The following ESRRB variants were observed in gnomAD, a reference collection of about 807,000 sequenced individuals.
ESRRB encodes the protein steroid hormone receptor ERR2.
A neutral mutation model predicts 46.0 loss-of-function variants in ESRRB; 16 were observed. The ratio of observed to expected loss-of-function variants is 0.35; its 90% CI spans 0.24 to 0.53. The LOEUF is 0.53. ESRRB is among the 20% of genes least tolerant of loss of function. The pLI is 0.93. For synonymous variants in ESRRB, 246 were observed against 259.6 expected (o/e 0.95, Z 0.50); for missense variants, 488 against 607.4 (o/e 0.80, Z 2.07).
chr14:76,314,316 A>C (rs1883771896), intron 1 of ESRRB, among the ~76,000 whole-genome samples: 1 of 151,996 alleles, frequency 6.6e-6, no homozygotes. Context: ...GTCCCTTCCA[A>C]TCCCCCTACA....
chr14:76,332,300 T>C lies in ESRRB; in HGVS notation c.2+21384T>C, dbSNP rs1884022810. Among the ~76,000 whole-genome samples the C allele has an allele frequency of 3.3e-5, 5 of 149,268 alleles. No homozygotes were observed. The South Asian group carries it at 1.0e-3, about 31-fold the overall frequency. On this transcript the variant is annotated intron_variant, in intron 1 of 6. Coordinates refer to the ESRRB transcript ENST00000512784. ...GCCACGTGTGTAATTTTAAACTTTCTAGTAGCCACACTTTTAAAATTTTTG... is the reference window on the plus strand; with the variant it reads ...GCCACGTGTGTAATTTTAAACTTTCCAGTAGCCACACTTTTAAAATTTTTG...
At chr14:76,386,461 T>A (rs1435422397) in intron 1 of ESRRB, among the ~76,000 whole-genome samples, 2 of 147,346 alleles carry the variant, frequency 1.4e-5, no homozygotes, top group East Asian at 3.9e-4. Context: ...TTAATTTTTT[T>A]TTTTTTTTTT....
chr14:76,324,963 C>CTTTTTCTTTT (rs1320537747), intron 1 of ESRRB, among the ~76,000 whole-genome samples: 7 of 102,214 alleles, frequency 6.8e-5, no homozygotes, highest in Non-Finnish European at 1.2e-4. Flanking sequence ...TTTTCTTTTT[C>CTTTTTCTTTT]TTTTTTTTTT....
At chr14:76,386,994 C>T (rs1885258625) in intron 1 of ESRRB, among the ~76,000 whole-genome samples, 1 of 152,116 alleles carries the variant, frequency 6.6e-6, no homozygotes, top group Admixed American at 6.5e-5. Context: ...CCTGAGACCC[C>T]AGAAACTGGA....
At position 76,451,824 on chromosome 14, in the gene ESRRB, G is replaced by A. The variant is rs1888394459; in HGVS notation, c.461-10721G>A. Among the ~76,000 whole-genome samples, 3 of 146,354 alleles carry A rather than the reference G, an allele frequency of 2.0e-5. No homozygotes were observed. In the South Asian group the frequency reaches 6.5e-4, roughly 32 times the overall value. ...TTTTTTTTTTTTTTAGTAAAGACAG[G>A]GTTTCACTGTGTTGGCCAGGCTGAT... On this transcript the variant is annotated intron_variant, in intron 2 of 6. Coordinates refer to ENST00000644823, the MANE Select transcript of ESRRB (RefSeq NM_001379180.1).
At chr14:76,325,061 T>G (rs1883913565) in intron 1 of ESRRB, among the ~76,000 whole-genome samples, 1 of 148,578 alleles carries the variant, frequency 6.7e-6, no homozygotes, top group African/African-American at 2.5e-5. Context: ...GCCTCCCAGG[T>G]TCAAGGGATT....
chr14:76,363,493 T>G (rs1271786545), intron 1 of ESRRB, among the ~76,000 whole-genome samples: 1 of 152,224 alleles, frequency 6.6e-6, no homozygotes, highest in Non-Finnish European at 1.5e-5. Context: ...ATGGACCCTT[T>G]GGCATCATTC....
intron 3 of ESRRB, among the ~76,000 whole-genome samples, chr14:76,479,820 G>A (rs1399566521): frequency 6.6e-6 from 1 of 152,180 alleles, no homozygotes; most frequent in Non-Finnish European, 1.5e-5. Context: ...ATTGAGGGGT[G>A]GGACACAGAC....
At chr14:76,387,373 C>T (rs1314607255) in intron 1 of ESRRB, among the ~76,000 whole-genome samples, 4 of 152,226 alleles carry the variant, frequency 2.6e-5, no homozygotes, top group African/African-American at 9.6e-5. Context: ...ACTGGCACTG[C>T]ACCCCATGGG....
At chr14:76,347,393 G>A (rs1884263701) in intron 1 of ESRRB, among the ~76,000 whole-genome samples, 1 of 151,416 alleles carries the variant, frequency 6.6e-6, no homozygotes, top group Non-Finnish European at 1.5e-5. Flanking sequence ...CCAATAAAAT[G>A]GGGACAGTAT....
At chr14:76,349,686 A>G (rs1190389867) in intron 1 of ESRRB, among the ~76,000 whole-genome samples, 1 of 152,192 alleles carries the variant, frequency 6.6e-6, no homozygotes, top group Non-Finnish European at 1.5e-5. Context: ...ATCCTCGTCC[A>G]CTAGAACGTA....
intron 5 of ESRRB, among the ~76,000 whole-genome samples, chr14:76,485,304 G>A (rs542988293): frequency 1.3e-4 from 19 of 146,196 alleles, no homozygotes; most frequent in African/African-American, 3.8e-4. Context: ...GCAGTGGTGC[G>A]ATCTCGGCTC....
chr14:76,469,483 C>A (rs888711966), intron 3 of ESRRB, among the ~76,000 whole-genome samples: 4 of 152,140 alleles, frequency 2.6e-5, no homozygotes, highest in Non-Finnish European at 4.4e-5. Context: ...CATTAGCACA[C>A]AAGTACACTT....
chr14:76,379,932 G>T (rs1884941564), intron 1 of ESRRB, among the ~76,000 whole-genome samples: 2 of 151,528 alleles, frequency 1.3e-5, no homozygotes, highest in Non-Finnish European at 1.5e-5. Context: ...TATTGATTTG[G>T]AGTAATCAAT....
chr14:76,324,399 G>A (rs933056685), intron 1 of ESRRB, among the ~76,000 whole-genome samples: 2 of 152,170 alleles, frequency 1.3e-5, no homozygotes, highest in Admixed American at 6.5e-5. Flanking sequence ...GCTGTTAGCA[G>A]CTGGGGATGG....
chr14:76,450,113 CAAT>C (rs1888325957), intron 2 of ESRRB, among the ~76,000 whole-genome samples: 1 of 151,102 alleles, frequency 6.6e-6, no homozygotes, highest in South Asian at 2.1e-4. Flanking sequence ...GGAGAAAAAA[CAAT>C]GATGAGACCA....
chr14:76,451,341 G>A (rs184457972), intron 2 of ESRRB, among the ~76,000 whole-genome samples: 158 of 152,316 alleles, frequency 1.0e-3, no homozygotes, highest in Non-Finnish European at 2.4e-4. Flanking sequence ...GAGCCTTAAT[G>A]TCCGTATCAG....
chr14:76,356,742 A>G (rs1184861920), intron 1 of ESRRB, among the ~76,000 whole-genome samples: 1 of 152,214 alleles, frequency 6.6e-6, no homozygotes, highest in African/African-American at 2.4e-5. Context: ...ATGGAGAACA[A>G]GCAATGCATG....
intron 1 of ESRRB, among the ~76,000 whole-genome samples, chr14:76,354,439 C>T (rs1447936541): frequency 6.6e-6 from 1 of 152,038 alleles, no homozygotes; most frequent in Non-Finnish European, 1.5e-5. Flanking sequence ...TTTCCAGGGA[C>T]CTATCTCACC....
Sources: allele counts gnomAD v4.1 joint callset (sites outside exome capture counted in the v4.1 genomes callset), GRCh38; gene constraint gnomAD v4.1.1; transcripts MANE v1.5; gene names NCBI Gene and HGNC (gene_info 2026-07-23, HGNC 2026-07-21).